The following METTL15 variants were observed in gnomAD, a reference collection of about 807,000 sequenced individuals.
METTL15 encodes 12S rRNA N(4)-cytidine methyltransferase METTL15.
METTL15 carries 34 observed loss-of-function variants against 38.3 expected under a neutral mutation model. That is an observed-to-expected ratio of 0.89 (90% CI 0.68 to 1.18). The LOEUF (loss-of-function observed/expected upper bound fraction) is 1.18. METTL15 is among the 50% of genes most tolerant of loss of function. METTL15 has a pLI of 0.00. For missense variants in METTL15, 438 were observed against 498.4 expected (o/e 0.88, Z 1.15); for synonymous variants, 162 against 170.9 (o/e 0.95, Z 0.41).
At chr11:28,498,956 C>A (rs1434629941) in intron 6 of METTL15, among the ~76,000 whole-genome samples, 2 of 152,214 alleles carry the variant, frequency 1.3e-5, no homozygotes, top group Non-Finnish European at 2.9e-5. Flanking sequence ...GGTAGAAAAG[C>A]AGGGTCTAGA....
chr11:28,354,448 C>G (rs1850072874), intron 4 of METTL15, among the ~76,000 whole-genome samples: 1 of 152,106 alleles, frequency 6.6e-6, no homozygotes, highest in African/African-American at 2.4e-5. Context: ...AGAGAGGAAC[C>G]TAACATTGTA....
chr11:28,512,182 CAG>C (rs1316996452), intron 6 of METTL15, among the ~76,000 whole-genome samples: 2 of 152,334 alleles, frequency 1.3e-5, no homozygotes, highest in East Asian at 3.9e-4. Context: ...TAGCTAGATA[CAG>C]AGTGTTGATT....
At chr11:28,397,000 C>T (rs1253052267) in intron 5 of METTL15, among the ~76,000 whole-genome samples, 2 of 152,078 alleles carry the variant, frequency 1.3e-5, no homozygotes, top group Non-Finnish European at 2.9e-5. Flanking sequence ...AAAGGATTCC[C>T]TATTTAATAA....
chr11:28,291,606 G>A (rs1393705732), intron 5 of METTL15, among the ~76,000 whole-genome samples: 2 of 152,056 alleles, frequency 1.3e-5, no homozygotes, highest in Non-Finnish European at 2.9e-5. Context: ...GTTCCTAAGT[G>A]TTATACCTTC....
intron 5 of METTL15, among the ~76,000 whole-genome samples, chr11:28,377,835 G>T (rs952394254): frequency 6.6e-6 from 1 of 151,260 alleles, no homozygotes; most frequent in Non-Finnish European, 1.5e-5. Context: ...TGGGTTTTTG[G>T]TGTGGATGTC....
intron 5 of METTL15, among the ~76,000 whole-genome samples, chr11:28,369,975 T>C (rs955054445): frequency 6.6e-6 from 1 of 152,114 alleles, no homozygotes; most frequent in Non-Finnish European, 1.5e-5. Flanking sequence ...ATGTTGGAGG[T>C]ACATGTAACG....
At chr11:28,132,835 A>G (rs1284005561) in intron 3 of METTL15, among the ~76,000 whole-genome samples, 1 of 152,156 alleles carries the variant, frequency 6.6e-6, no homozygotes, top group Non-Finnish European at 1.5e-5. Flanking sequence ...GCATTATATT[A>G]TAATCTTAGT....
intron 6 of METTL15, chr11:28,328,207 A>G (rs899626713): frequency 1.8e-5 from 28 of 1,583,476 alleles, no homozygotes; most frequent in Non-Finnish European, 2.2e-5. Context: ...TATGGACATC[A>G]TGTTCCTGAG....
chr11:28,421,630 G>T (rs2090793344), intron 5 of METTL15, among the ~76,000 whole-genome samples: 1 of 151,926 alleles, frequency 6.6e-6, no homozygotes, highest in Non-Finnish European at 1.5e-5. Flanking sequence ...TTCAATTGAT[G>T]TGAAAAAGCA....
intron 3 of METTL15, among the ~76,000 whole-genome samples, chr11:28,342,729 G>A (rs1261340916): frequency 1.3e-5 from 2 of 152,176 alleles, no homozygotes; most frequent in African/African-American, 4.8e-5. Context: ...GTTAAACTAT[G>A]TTCTTCACTT....
intron 5 of METTL15, among the ~76,000 whole-genome samples, chr11:28,420,577 G>T (rs552056753): frequency 6.6e-6 from 1 of 152,170 alleles, no homozygotes; most frequent in African/African-American, 2.4e-5. Context: ...TCTGGAAACT[G>T]TACAAATACA....
Position 28,155,965 on chromosome 11 carries a change from C to T in METTL15, c.270+42361C>T, listed in dbSNP as rs184198260. 9.9e-5 allele frequency among the ~76,000 whole-genome samples: 15 copies of T among 152,202 alleles called. No individual in the cohort carries two copies. The East Asian group carries it at 1.2e-3, about 12-fold the overall frequency. ...TGAGAGTAAGTATAGTAATTAATAG[C>T]GCGATCTTCATTTTGTGTGGTAAAC... On this transcript the variant is annotated intron_variant, in intron 3 of 6. Transcript: ENST00000407364.
At chr11:28,470,380 A>G (rs1197750176) in intron 6 of METTL15, among the ~76,000 whole-genome samples, 2 of 152,146 alleles carry the variant, frequency 1.3e-5, no homozygotes, top group Non-Finnish European at 2.9e-5. Context: ...TGACTCAGTT[A>G]TAGTGAACTG....
At chr11:28,227,176 T>C (rs1853514317) in intron 4 of METTL15, among the ~76,000 whole-genome samples, 1 of 151,854 alleles carries the variant, frequency 6.6e-6, no homozygotes, top group African/African-American at 2.4e-5. Flanking sequence ...GTTTATTCCA[T>C]AAACATGTAT....
At chr11:28,278,883 G>C (rs987924943) in intron 4 of METTL15, among the ~76,000 whole-genome samples, 3 of 152,150 alleles carry the variant, frequency 2.0e-5, no homozygotes, top group Non-Finnish European at 2.9e-5. Flanking sequence ...CTTGAGTGCA[G>C]TGATACAATC....
intron 6 of METTL15, among the ~76,000 whole-genome samples, chr11:28,522,025 G>A (rs1477732318): frequency 6.6e-6 from 1 of 152,326 alleles, no homozygotes; most frequent in African/African-American, 2.4e-5. Context: ...TAATACAGGT[G>A]TGTAGTAATG....
At chr11:28,230,266 C>G (rs970260040) in intron 4 of METTL15, among the ~76,000 whole-genome samples, 1 of 151,858 alleles carries the variant, frequency 6.6e-6, no homozygotes, top group African/African-American at 2.4e-5. Context: ...ATTAACACCT[C>G]TGCATCCATT....
chr11:28,275,792 A>G (rs930005627), intron 4 of METTL15, among the ~76,000 whole-genome samples: 2 of 152,136 alleles, frequency 1.3e-5, no homozygotes, highest in Non-Finnish European at 2.9e-5. Flanking sequence ...ATGATTCCAC[A>G]TACACTAATC....
At chr11:28,267,324 G>A (rs1253735313) in intron 4 of METTL15, among the ~76,000 whole-genome samples, 1 of 152,058 alleles carries the variant, frequency 6.6e-6, no homozygotes, top group Non-Finnish European at 1.5e-5. Flanking sequence ...ATTAAAGTCA[G>A]TGCATTAGCT....
Sources: allele counts gnomAD v4.1 joint callset (sites outside exome capture counted in the v4.1 genomes callset), GRCh38; gene constraint gnomAD v4.1.1; transcripts MANE v1.5; gene names NCBI Gene and HGNC (gene_info 2026-07-23, HGNC 2026-07-21).